Variants in MYO16 observed in about 807,000 individuals in gnomAD.
MYO16 encodes unconventional myosin-XVI.
A neutral mutation model predicts 205.3 loss-of-function variants in MYO16; 94 were observed. The observed-to-expected ratio is 0.46, with a 90% confidence interval of 0.39 to 0.54. The LOEUF (loss-of-function observed/expected upper bound fraction) is 0.54, where lower values mean the gene tolerates loss of function less well. Ranked by LOEUF, MYO16 falls within the 20% of genes least tolerant of loss-of-function variation. MYO16 has a pLI of 0.00. For synonymous variants in MYO16, 988 were observed against 954.0 expected (o/e 1.04, Z -0.66); for missense variants, 2,315 against 2,387.5 (o/e 0.97, Z 0.63).
intron 15 of MYO16, among the ~76,000 whole-genome samples, chr13:108,903,284 C>T (rs905113251): frequency 1.3e-5 from 2 of 152,170 alleles, no homozygotes; most frequent in African/African-American, 4.8e-5. Context: ...TTATTAGTTG[C>T]TGTGTTAATT....
the MYO16 span, among the ~76,000 whole-genome samples, chr13:108,509,053 G>C: frequency 6.6e-6 from 1 of 152,304 alleles, no homozygotes; most frequent in South Asian, 2.1e-4. Context: ...AGCTAAACCA[G>C]GTTGCTTTAA....
chr13:109,053,547 G>A (rs1318251745), intron 25 of MYO16, among the ~76,000 whole-genome samples: 1 of 151,652 alleles, frequency 6.6e-6, no homozygotes, highest in Non-Finnish European at 1.5e-5. Flanking sequence ...AAAATCAAGA[G>A]CAAAAACCAT....
chr13:109,052,235 A>G, intron 24 of MYO16, 65 bp from the exon 25 acceptor site: 1 of 1,410,480 alleles, frequency 7.1e-7, no homozygotes, highest in Middle Eastern at 1.8e-4. Context: ...TTGTATGAAG[A>G]ATAAGTTCAA....
upstream of MYO16, among the ~76,000 whole-genome samples, chr13:108,624,861 A>G (rs568903623): frequency 2.0e-5 from 3 of 150,316 alleles, no homozygotes; most frequent in Admixed American, 6.6e-5. Flanking sequence ...ACATGCATGT[A>G]TTTGCTATTA....
intron 27 of MYO16, among the ~76,000 whole-genome samples, chr13:109,069,874 G>A (rs1170573663): frequency 6.6e-6 from 1 of 152,140 alleles, no homozygotes; most frequent in African/African-American, 2.4e-5. Flanking sequence ...CTCAATAGAT[G>A]TGGCTAATCC....
At chr13:108,555,610 T>C in the MYO16 span, among the ~76,000 whole-genome samples, 4 of 152,218 alleles carry the variant, frequency 2.6e-5, no homozygotes, top group Non-Finnish European at 5.9e-5. Flanking sequence ...GAACACTAAG[T>C]CTACTGTCTT....
intron 31 of MYO16, among the ~76,000 whole-genome samples, chr13:109,136,098 C>CT (rs1439824661): frequency 6.7e-6 from 1 of 149,534 alleles, no homozygotes; most frequent in Non-Finnish European, 1.5e-5. Context: ...TCCTTCCTTC[C>CT]TTTTTTTGTT....
At chr13:108,967,075 A>G (rs1436359658) in intron 20 of MYO16, among the ~76,000 whole-genome samples, 2 of 152,070 alleles carry the variant, frequency 1.3e-5, no homozygotes, top group Non-Finnish European at 2.9e-5. Context: ...CAGTAAATAT[A>G]CCTTGCGATA....
At chr13:108,821,313 T>A (rs1289535343) in intron 8 of MYO16, among the ~76,000 whole-genome samples, 1 of 152,160 alleles carries the variant, frequency 6.6e-6, no homozygotes, top group East Asian at 1.9e-4. Flanking sequence ...TGGAATTAAG[T>A]ATCATTGTCT....
At chr13:108,612,824 G>A (rs1879223715) in intron 1 of MYO16, among the ~76,000 whole-genome samples, 1 of 152,104 alleles carries the variant, frequency 6.6e-6, no homozygotes, top group African/African-American at 2.4e-5. Flanking sequence ...TGTTAATAGA[G>A]CCTGCCTTCC....
chr13:108,726,636 A>G (rs572163067), intron 3 of MYO16, among the ~76,000 whole-genome samples: 2 of 152,222 alleles, frequency 1.3e-5, no homozygotes, highest in African/African-American at 4.8e-5. Context: ...ATGCAAATAA[A>G]TATCTGGGAC....
chr13:108,496,034 G>C, the MYO16 span, among the ~76,000 whole-genome samples: 2 of 152,184 alleles, frequency 1.3e-5, no homozygotes, highest in Non-Finnish European at 2.9e-5. Flanking sequence ...TGCACCGCCG[G>C]GCTGGGGACG....
At chr13:109,069,939 A>T (rs1205324199) in intron 27 of MYO16, among the ~76,000 whole-genome samples, 1 of 152,106 alleles carries the variant, frequency 6.6e-6, no homozygotes, top group Non-Finnish European at 1.5e-5. Context: ...TTACATTGAG[A>T]GTCCAGTGAA....
At chr13:108,592,581 A>T (rs1267414103), upstream of MYO16, among the ~76,000 whole-genome samples, 1 of 122,072 alleles carries the variant, frequency 8.2e-6, no homozygotes, top group Admixed American at 8.3e-5. Context: ...GAGGCTGTGG[A>T]GTGGAGTGGG....
chr13:108,927,639 A>T (rs1290475826), intron 16 of MYO16, among the ~76,000 whole-genome samples: 1 of 152,224 alleles, frequency 6.6e-6, no homozygotes, highest in Non-Finnish European at 1.5e-5. Flanking sequence ...CTCTGAGATG[A>T]GGGAGGAGAC....
intron 3 of MYO16, among the ~76,000 whole-genome samples, chr13:108,719,783 T>C (rs1884090551): frequency 6.6e-6 from 1 of 152,198 alleles, no homozygotes; most frequent in Admixed American, 6.5e-5. Flanking sequence ...ATGCTATGTA[T>C]ACCTTTTATC....
chr13:108,768,353 A>G (rs1174230453), intron 4 of MYO16, among the ~76,000 whole-genome samples: 1 of 152,156 alleles, frequency 6.6e-6, no homozygotes, highest in East Asian at 1.9e-4. Context: ...AGCTGTTTCC[A>G]TGTAGGAAGC....
At chr13:108,548,446 TG>T in the MYO16 span, among the ~76,000 whole-genome samples, 390 of 151,478 alleles carry the variant, frequency 2.6e-3, 2 homozygotes, top group African/African-American at 8.5e-3. Context: ...ATGGTGAGAA[TG>T]GTGGTGGTGG....
At chr13:109,198,342 C>T (rs933731279) in intron 34 of MYO16, among the ~76,000 whole-genome samples, 1 of 152,116 alleles carries the variant, frequency 6.6e-6, no homozygotes, top group Non-Finnish European at 1.5e-5. Context: ...ACTTCAGAAG[C>T]ATTGCATTTA....
Sources: gnomAD v4.1 joint callset for allele counts (sites outside exome capture counted in the v4.1 genomes callset) on GRCh38, gnomAD v4.1.1 for gene constraint, MANE v1.5 for transcripts, NCBI Gene and HGNC (gene_info 2026-07-23, HGNC 2026-07-21) for gene names.